Variants in CAGE1 observed in about 807,000 individuals in gnomAD.
CAGE1 encodes the protein cancer antigen 1, also known as cancer-associated gene 1 protein.
Under a neutral mutation model 94.9 loss-of-function variants are expected in CAGE1, and 66 were observed. The observed-to-expected ratio is 0.70, with a 90% CI of 0.57 to 0.85. The LOEUF (loss-of-function observed/expected upper bound fraction) is 0.85, where lower values mean the gene tolerates loss of function less well. Ranked by LOEUF, CAGE1 falls within the 40% of genes least tolerant of loss-of-function variation. The pLI is 0.00. For missense variants in CAGE1, 865 were observed against 950.4 expected (o/e 0.91, Z 1.18); for synonymous variants, 319 against 321.0 (o/e 0.99, Z 0.07).
At chr6:7,385,682 G>T (rs1298646946) in intron 3 of CAGE1, 103 bp downstream of exon 3, 1 of 523,664 alleles carries the variant, frequency 1.9e-6, no homozygotes, top group Non-Finnish European at 3.3e-6. Context: ...TAAGTGTGAT[G>T]ATGTATATAA....
At chr6:7,342,238 T>C (rs1394509758) in intron 11 of CAGE1, among the ~76,000 whole-genome samples, 1 of 152,068 alleles carries the variant, frequency 6.6e-6, no homozygotes, top group Non-Finnish European at 1.5e-5. Flanking sequence ...CACTTGGAGC[T>C]CCAGGCCACT....
chr6:7,345,064 T>TA (rs779450005), intron 11 of CAGE1, among the ~76,000 whole-genome samples: 6 of 152,088 alleles, frequency 3.9e-5, no homozygotes, highest in African/African-American at 1.4e-4. Context: ...TGGCTGGTGT[T>TA]GAAAGCTTTG....
intron 12 of CAGE1, among the ~76,000 whole-genome samples, chr6:7,332,065 A>G (rs1190033134): frequency 6.6e-6 from 1 of 151,796 alleles, no homozygotes; most frequent in South Asian, 2.1e-4. Context: ...AATATTAATC[A>G]ATCCTTTAAT....
intron 11 of CAGE1, among the ~76,000 whole-genome samples, chr6:7,336,127 C>T (rs1758945447): frequency 6.6e-6 from 1 of 152,182 alleles, no homozygotes; most frequent in Admixed American, 6.5e-5. Flanking sequence ...GAAACAGACT[C>T]TGTGTATACC....
chr6:7,328,753 A>T (rs1758617302), intron 13 of CAGE1, among the ~76,000 whole-genome samples: 1 of 151,800 alleles, frequency 6.6e-6, no homozygotes. Flanking sequence ...AGAAGAGAGG[A>T]TTTTGAATCC....
chr6:7,367,086 C>A (rs146961089), intron 7 of CAGE1, among the ~76,000 whole-genome samples: 2 of 152,090 alleles, frequency 1.3e-5, no homozygotes, highest in African/African-American at 4.8e-5. Context: ...ATGAACACCA[C>A]GTAACTATCA....
At chr6:7,364,288 A>G (rs1005286355) in intron 9 of CAGE1, among the ~76,000 whole-genome samples, 4 of 152,194 alleles carry the variant, frequency 2.6e-5, no homozygotes, top group Non-Finnish European at 1.5e-5. Context: ...GTTAGATGCC[A>G]GCCATTGTAC....
At chr6:7,341,183 T>A in intron 11 of CAGE1, 1 of 620,690 alleles carries the variant, frequency 1.6e-6, no homozygotes, top group Non-Finnish European at 3.0e-6. Flanking sequence ...ATCCATTCTG[T>A]GTTCTGGAGC....
intron 11 of CAGE1, among the ~76,000 whole-genome samples, chr6:7,353,696 TACACACACACAC>T (rs59990182): frequency 0.23 from 31,753 of 139,534 alleles, 3,537 homozygotes; most frequent in Non-Finnish European, 0.24. Context: ...TATATATATG[TACACACACACAC>T]ACACACACAC....
intron 7 of CAGE1, 81 bp downstream of exon 7, chr6:7,368,607 T>C: frequency 1.4e-6 from 1 of 711,716 alleles, no homozygotes; most frequent in Non-Finnish European, 2.2e-6. Context: ...ATTCCAACTT[T>C]AAGAGTTACT....
At chr6:7,387,263 T>C in intron 1 of CAGE1, 67 bp from the exon 2 acceptor site, 1 of 820,602 alleles carries the variant, frequency 1.2e-6, no homozygotes, top group East Asian at 2.7e-5. Context: ...CCTCTTCTCA[T>C]TAAGAAAGTA....
chr6:7,337,543 T>A (rs1174261669), intron 11 of CAGE1, among the ~76,000 whole-genome samples: 1 of 152,166 alleles, frequency 6.6e-6, no homozygotes, highest in African/African-American at 2.4e-5. Flanking sequence ...ACTTCGTATG[T>A]GGTGGAGTGT....
intron 11 of CAGE1, among the ~76,000 whole-genome samples, chr6:7,345,381 A>G (rs1002295201): frequency 1.4e-4 from 22 of 152,250 alleles, no homozygotes; most frequent in African/African-American, 4.8e-4. Context: ...CAGAAGGAAC[A>G]AACGCCAGAT....
chr6:7,387,952 T>G (rs532802914), intron 1 of CAGE1, among the ~76,000 whole-genome samples: 19 of 142,130 alleles, frequency 1.3e-4, no homozygotes, highest in African/African-American at 4.8e-4. Flanking sequence ...GAGAATGGCG[T>G]GAACCCCGGA....
intron 11 of CAGE1, among the ~76,000 whole-genome samples, chr6:7,337,344 A>G (rs889591011): frequency 6.1e-4 from 93 of 151,800 alleles, no homozygotes; most frequent in Non-Finnish European, 1.1e-3. Flanking sequence ...AAAAAAAAAA[A>G]AAGAAGAGCA....
chr6:7,363,399 A>G (rs1405887241), intron 9 of CAGE1, among the ~76,000 whole-genome samples: 1 of 152,204 alleles, frequency 6.6e-6, no homozygotes, highest in African/African-American at 2.4e-5. Context: ...TCAATTTTCT[A>G]TTATCTCACA....
chr6:7,375,007 C>T (rs1205075290), intron 4 of CAGE1, among the ~76,000 whole-genome samples: 1 of 151,924 alleles, frequency 6.6e-6, no homozygotes. Context: ...GCACTCCAGC[C>T]TGGGCGATAG....
At chr6:7,340,526 G>C (rs948641680) in intron 11 of CAGE1, among the ~76,000 whole-genome samples, 2 of 152,082 alleles carry the variant, frequency 1.3e-5, no homozygotes, top group African/African-American at 4.8e-5. Context: ...TATTTCTGTA[G>C]GTGCCTCCAG....
In CAGE1 at chr6:7,342,105, T is replaced by C. The variant is rs1453269008; in HGVS notation, c.2370-8015A>G. The C allele has an allele frequency of 2.6e-5, 25 of 958,270 alleles. No individual in the cohort carries two copies. The East Asian group carries it at 3.9e-4, about 15-fold the overall frequency. 59.4% of individuals were successfully genotyped at this position (958,270 alleles called of 1,614,324 possible). On this transcript the variant is annotated intron_variant, in intron 11 of 13. Transcript: ENST00000502583. The stretch of plus-strand genomic sequence containing the variant: ...CAGAGATGTCAATCCCACAGTTGGA[T>C]AGGTCACGGCTGATGAAGGCAGCTT...
Sources: allele counts gnomAD v4.1 joint callset (sites outside exome capture counted in the v4.1 genomes callset), GRCh38; gene constraint gnomAD v4.1.1; transcripts MANE v1.5; gene names NCBI Gene and HGNC (gene_info 2026-07-23, HGNC 2026-07-21).